KDM4A: variants seen among roughly 807,000 people sequenced by gnomAD.
The protein encoded by KDM4A is lysine-specific demethylase 4A.
In KDM4A, 23 loss-of-function variants were observed where a neutral mutation model predicts 127.1. That is an observed-to-expected ratio of 0.18 (90% CI 0.13 to 0.26). The LOEUF is 0.26. Among genes scored for constraint, KDM4A ranks in the 10% least tolerant of loss-of-function variants. KDM4A has a pLI of 1.00. For synonymous variants in KDM4A, 443 were observed against 466.5 expected (o/e 0.95, Z 0.65); for missense variants, 890 against 1,329.1 (o/e 0.67, Z 5.14).
intron 3 of KDM4A, among the ~76,000 whole-genome samples, chr1:43,656,153 G>A (rs1033369419): frequency 4.6e-5 from 7 of 152,042 alleles, no homozygotes; most frequent in African/African-American, 1.4e-4. Context: ...AATTGTGCTG[G>A]AATTTCTCAC....
At chr1:43,657,750 CTTTTTTTTTT>C (rs140666245) in intron 3 of KDM4A, among the ~76,000 whole-genome samples, 1 of 116,460 alleles carries the variant, frequency 8.6e-6, no homozygotes, top group Non-Finnish European at 1.7e-5. Context: ...TTTTTCTTTT[CTTTTTTTTTT>C]TTTTTTTTGA....
intron 3 of KDM4A, 81 bp from the exon 4 acceptor site, chr1:43,660,217 A>AG: frequency 1.4e-6 from 2 of 1,428,016 alleles, no homozygotes; most frequent in Non-Finnish European, 1.9e-6. Flanking sequence ...TCACTGGAAT[A>AG]GGGGATTATG....
chr1:43,662,919 G>A lies in KDM4A; in HGVS notation c.455G>A (p.Arg152Gln), dbSNP rs774195150. The A allele has an allele frequency of 3.4e-5, 55 of 1,612,792 alleles. No homozygotes were observed. Among genetic ancestry groups the A allele is most frequent in the South Asian group, 1.1e-4 (10 of 90,916 alleles). ...CATGTTGATGAGTGGAATATTGGCC[G>A]GCTGAGAACAATCCTGGACTTGGTG... The part of the protein sequence containing the change: ...EKHVDEWNIG[R>Q]LRTILDLVEK... Residue 152 changes from arginine (R) to glutamine (Q), a missense_variant, in exon 5 of 22, where the codon CGG (arginine) becomes CAG (glutamine). Transcript: ENST00000372396.
Position 43,699,091 on chromosome 1 carries a change from A to ATTT in KDM4A, c.2841+1095_2841+1097dup, listed in dbSNP as rs61194980. On this transcript the variant is annotated intron_variant, in intron 19 of 21. Transcript: ENST00000372396. ...GGCGTGAGCCACTGTGCCTGGCCTT[A>ATTT]TTTTTTTTTTTTTTTTTTTGAGAGA... 6.3e-5 allele frequency among the ~76,000 whole-genome samples: 8 copies of ATTT among 126,430 alleles called. No homozygotes were observed. The East Asian group carries it at 1.6e-3, about 25-fold the overall frequency. The allele number at this position is 126,430 out of a possible 152,430, so 82.9% of individuals were successfully genotyped here.
Position 43,671,574 on chromosome 1 carries a change from A to T in KDM4A, c.1433A>T (p.Glu478Val), listed in dbSNP as rs763357725. The change falls in exon 11 of 22, where the codon GAG (glutamate) becomes GTG (valine). Residue 478 changes from glutamate to valine, a missense_variant. Transcript: ENST00000372396. ...KNVKLEEEDE[E>V]EEQAAAALDL... is the part of the protein sequence containing the mutation. ...GTCAAACTAGAAGAGGAGGATGAGG[A>T]GGAAGAACAAGCAGCAGCTGCCTTG... 7 of 1,607,816 alleles carry T rather than the reference A, an allele frequency of 4.4e-6. No homozygotes were observed. In the Admixed American group the frequency reaches 1.2e-4, roughly 28 times the overall value.
In KDM4A at chr1:43,694,798, G is replaced by A; in HGVS notation, c.2574G>A (p.Val858=). 2 of 1,614,176 alleles carry A rather than the reference G, an allele frequency of 1.2e-6. No individual in the cohort carries two copies. The highest frequency in any genetic ancestry group is 1.1e-5 in the South Asian group (1 of 91,092). The change falls in exon 18 of 22, where the codon GTG becomes GTA. Residue 858 remains valine, a synonymous_variant. Transcript: ENST00000372396. This position sits in a 1 kb window ranked among gnomAD's most constrained non-coding sequence, Gnocchi z 5.2. Reference sequence around the variant, plus strand: ...GCCGCTGCCCAACTGCCTTCCATGTGAGCTGCGCCCAGGCTGCCGGTGTGA... The same window carrying A: ...GCCGCTGCCCAACTGCCTTCCATGTAAGCTGCGCCCAGGCTGCCGGTGTGA... ...SHGRCPTAFH[V]SCAQAAGVMM...
At position 43,704,020 on chromosome 1, in the gene KDM4A, G is replaced by A. The variant is rs143474834; in HGVS notation, c.2962G>A (p.Val988Met). The A allele has an allele frequency of 1.1e-3, 1,757 of 1,613,846 alleles. 2 individuals carry two copies. The highest frequency in any genetic ancestry group is 1.3e-3 in the Non-Finnish European group (1,537 of 1,179,754). The change falls in exon 21 of 22, where the codon GTG (valine) becomes ATG (methionine). Residue 988 changes from valine (V) to methionine (M), a missense_variant and splice_region_variant. Around this residue, in one of 7 missense-constraint regions of KDM4A, gnomAD observed 246 missense variants for 418.4 expected, o/e 0.59. Coordinates refer to ENST00000372396, the MANE Select transcript of KDM4A (RefSeq NM_014663.3). Reference protein sequence around the residue: ...VASHPIQMYQVEFEDGSQLVV... With the variant: ...VASHPIQMYQMEFEDGSQLVV... ...CAAAAGGCCTTTGTTTCCTTGGTAG[G>A]TGGAGTTTGAGGATGGCTCACAACT... is the stretch of plus-strand genomic sequence containing the variant.
intron 6 of KDM4A, 35 bp from the exon 7 acceptor site, chr1:43,666,417 G>C (rs1415183883): frequency 6.5e-7 from 1 of 1,545,108 alleles, no homozygotes; most frequent in Non-Finnish European, 8.9e-7. Context: ...CTAGTGTGGA[G>C]CACTGTGTTA....
At chr1:43,686,151 G>GT (rs35512755) in intron 12 of KDM4A, among the ~76,000 whole-genome samples, 31,383 of 98,176 alleles carry the variant, frequency 0.32, 6,237 homozygotes, top group East Asian at 0.45. Context: ...TTTGTTTCTT[G>GT]TTTTTTTTTT....
chr1:43,650,344 T>G (rs1412141581), intron 1 of KDM4A, 92 bp downstream of exon 1: 2 of 150,840 alleles, frequency 1.3e-5, no homozygotes. Context: ...TGGGGGTGGG[T>G]CTTCCAGCGG....
At chr1:43,657,692 A>C (rs1660276567) in intron 3 of KDM4A, among the ~76,000 whole-genome samples, 1 of 151,718 alleles carries the variant, frequency 6.6e-6, no homozygotes, top group South Asian at 2.1e-4. Context: ...CATGGAATTC[A>C]GCCAGGGGCT....
At chr1:43,697,122 G>C (rs1470255776) in intron 18 of KDM4A, among the ~76,000 whole-genome samples, 12 of 152,204 alleles carry the variant, frequency 7.9e-5, no homozygotes, top group Admixed American at 6.6e-4. Context: ...GGCATCTCAG[G>C]TAGAAGAACC....
chr1:43,686,770 CT>C (rs1285090706), intron 12 of KDM4A, among the ~76,000 whole-genome samples: 3 of 152,126 alleles, frequency 2.0e-5, no homozygotes, highest in Middle Eastern at 3.2e-3. Context: ...AGTTATGTTT[CT>C]TTACTGTTGT....
At chr1:43,676,840 T>C (rs189090925) in intron 11 of KDM4A, among the ~76,000 whole-genome samples, 132 of 152,354 alleles carry the variant, frequency 8.7e-4, no homozygotes, top group South Asian at 1.9e-3. Context: ...CTTGTCTTTA[T>C]GCTAGAAACA....
At position 43,694,408 on chromosome 1, in the gene KDM4A, C is replaced by T. The variant is rs551095974; in HGVS notation, c.2485-301C>T. ...GTGCGCACCTATAATCCCAGCTCCT[C>T]GGGAATCTGAGGCAGGAGAATCACT... On this transcript the variant is annotated intron_variant, in intron 17 of 21. Transcript: ENST00000372396. The surrounding 1 kb of genome is among the most constrained non-coding windows in gnomAD (Gnocchi z 5.2). Among the ~76,000 whole-genome samples, 19 of 151,518 alleles carry T rather than the reference C, an allele frequency of 1.3e-4. No homozygotes were observed. In the East Asian group the frequency reaches 2.5e-3, roughly 20 times the overall value.
Position 43,671,752 on chromosome 1 carries a change from G to A in KDM4A, c.1611G>A (p.Gly537=), listed in dbSNP as rs1660623866. 2 of 1,613,990 alleles carry A rather than the reference G, an allele frequency of 1.2e-6. No homozygotes were observed. Among genetic ancestry groups the A allele is most frequent in the Non-Finnish European group, 1.7e-6 (2 of 1,179,924 alleles). ...AGCCTCTCTCCTGCCGAGCCCAAGGGCAAACGGGAGTTCTCACTGTGCACA... is the reference window on the plus strand; with the variant it reads ...AGCCTCTCTCCTGCCGAGCCCAAGGACAAACGGGAGTTCTCACTGTGCACA... The part of the protein sequence containing the change: ...TSEPLSCRAQ[G]QTGVLTVHSY... Residue 537 remains glycine (G), a synonymous_variant, in exon 11 of 22, where the codon GGG becomes GGA. Transcript: ENST00000372396.
chr1:43,680,370 G>T (rs371587065), intron 11 of KDM4A, among the ~76,000 whole-genome samples: 1 of 152,158 alleles, frequency 6.6e-6, no homozygotes, highest in Non-Finnish European at 1.5e-5. Flanking sequence ...TGGAAAAGGT[G>T]TCCTCTTCCC....
chr1:43,650,867 G>T (rs1166859361), intron 1 of KDM4A, among the ~76,000 whole-genome samples: 3 of 152,214 alleles, frequency 2.0e-5, no homozygotes, highest in Admixed American at 6.6e-5. Flanking sequence ...TGACTTCGGA[G>T]CCGGTGTTCT....
At chr1:43,701,916 C>T (rs1661406466) in intron 19 of KDM4A, among the ~76,000 whole-genome samples, 1 of 152,230 alleles carries the variant, frequency 6.6e-6, no homozygotes. Context: ...CACATGTACT[C>T]AATGATTAAG....
Sources: gnomAD v4.1 joint callset for allele counts (sites outside exome capture counted in the v4.1 genomes callset) on GRCh38, gnomAD v4.1.1 for gene constraint, gnomAD v4.1.1 regional missense constraint, Gnocchi (gnomAD v3.1) non-coding constraint, MANE v1.5 for transcripts, NCBI Gene and HGNC (gene_info 2026-07-23, HGNC 2026-07-21) for gene names.